EXOC4: variants seen among roughly 807,000 people sequenced by gnomAD.
The protein encoded by EXOC4 is exocyst complex component 4, also known as SEC8-like 1.
In EXOC4, 71 loss-of-function variants were observed where a neutral mutation model predicts 107.2. The ratio of observed to expected loss-of-function variants is 0.66; its 90% CI spans 0.55 to 0.81. The LOEUF (loss-of-function observed/expected upper bound fraction) is 0.81, where lower values mean the gene tolerates loss of function less well. EXOC4 is among the 30% of genes least tolerant of loss of function. The pLI, the probability that EXOC4 is intolerant of heterozygous loss-of-function variation, is 0.00. For synonymous variants in EXOC4, 456 were observed against 441.2 expected (o/e 1.03, Z -0.42); for missense variants, 1,108 against 1,189.6 (o/e 0.93, Z 1.01).
chr7:133,411,253 G>C (rs1285830279), intron 7 of EXOC4, among the ~76,000 whole-genome samples: 1 of 152,092 alleles, frequency 6.6e-6, no homozygotes, highest in East Asian at 1.9e-4. Flanking sequence ...TCTCACTTTT[G>C]TAAAAAATAG....
At chr7:133,678,677 C>A (rs1175555560) in intron 10 of EXOC4, among the ~76,000 whole-genome samples, 2 of 151,522 alleles carry the variant, frequency 1.3e-5, no homozygotes, top group East Asian at 3.9e-4. Context: ...GTGGTATGAA[C>A]ACAACTCCCT....
chr7:133,326,518 C>G (rs1313400663), intron 5 of EXOC4, among the ~76,000 whole-genome samples: 1 of 152,198 alleles, frequency 6.6e-6, no homozygotes, highest in Non-Finnish European at 1.5e-5. Flanking sequence ...GGCTGCAGAA[C>G]AGTGAATATT....
chr7:133,278,472 G>C (rs972233921), intron 2 of EXOC4, among the ~76,000 whole-genome samples: 9 of 152,154 alleles, frequency 5.9e-5, no homozygotes, highest in African/African-American at 1.9e-4. Context: ...GCCAGAAAGG[G>C]CTTCACTGAG....
In EXOC4 at chr7:133,567,276, T is replaced by C. The variant is rs969683415; in HGVS notation, c.1418-62769T>C. Among the ~76,000 whole-genome samples, 11 of 152,068 alleles carry C rather than the reference T, an allele frequency of 7.2e-5. 1 individual carries two copies. Among genetic ancestry groups the C allele is most frequent in the African/African-American group, 2.7e-4 (11 of 41,440 alleles). ...AAATATATATATATATTCTTTTTTT[T>C]CCTGTTTTACACAGATGGTAACATT... is the stretch of plus-strand genomic sequence containing the variant. On this transcript the variant is annotated intron_variant, in intron 9 of 17. Coordinates refer to ENST00000253861, the MANE Select transcript of EXOC4 (RefSeq NM_021807.4).
At chr7:133,671,562 A>G (rs1182166389) in intron 10 of EXOC4, among the ~76,000 whole-genome samples, 1 of 152,092 alleles carries the variant, frequency 6.6e-6, no homozygotes, top group Admixed American at 6.5e-5. Context: ...GCAAGACTCC[A>G]TCTTAAATAA....
the EXOC4 span, among the ~76,000 whole-genome samples, chr7:134,090,952 A>T: frequency 6.6e-6 from 1 of 151,890 alleles, no homozygotes. Context: ...CTCTAACCCA[A>T]TCCCATTCTT....
intron 7 of EXOC4, among the ~76,000 whole-genome samples, chr7:133,385,151 G>C (rs763035324): frequency 1.3e-5 from 2 of 152,180 alleles, no homozygotes; most frequent in Admixed American, 6.5e-5. Context: ...AAGGGTGAAG[G>C]CTGCAGGTCT....
intron 10 of EXOC4, among the ~76,000 whole-genome samples, chr7:133,694,708 A>G (rs949898302): frequency 2.6e-5 from 4 of 152,160 alleles, no homozygotes; most frequent in Admixed American, 6.5e-5. Flanking sequence ...ATTTTTCTTT[A>G]TGTTGGGAAC....
chr7:133,414,890 A>G (rs150127780), intron 7 of EXOC4, among the ~76,000 whole-genome samples: 1 of 152,160 alleles, frequency 6.6e-6, no homozygotes, highest in Non-Finnish European at 1.5e-5. Context: ...TTACTCCACA[A>G]AGAAAGTCCG....
At chr7:133,656,097 C>T (rs1002862275) in intron 10 of EXOC4, among the ~76,000 whole-genome samples, 6 of 152,034 alleles carry the variant, frequency 3.9e-5, no homozygotes, top group Admixed American at 6.6e-5. Context: ...ATAAGCAATC[C>T]ATCCTTGACC....
At chr7:133,733,514 A>T (rs1285168851) in intron 10 of EXOC4, 2 of 152,102 alleles carry the variant, frequency 1.3e-5, no homozygotes, top group Non-Finnish European at 2.9e-5. Context: ...AAATAAAGAT[A>T]AAAAAAGGAA....
intron 6 of EXOC4, among the ~76,000 whole-genome samples, chr7:133,360,501 C>G (rs1438141799): frequency 6.6e-5 from 10 of 152,140 alleles, no homozygotes; most frequent in Non-Finnish European, 1.5e-4. Context: ...CCGTTGCTTC[C>G]AGGGAGACCT....
chr7:133,830,504 A>G (rs577177094), intron 11 of EXOC4, among the ~76,000 whole-genome samples: 64 of 152,376 alleles, frequency 4.2e-4, no homozygotes, highest in Admixed American at 8.5e-4. Context: ...AAAATTGCCA[A>G]CAGCTATGTT....
intron 14 of EXOC4, among the ~76,000 whole-genome samples, chr7:133,938,731 C>G (rs1158167659): frequency 6.6e-6 from 1 of 152,162 alleles, no homozygotes; most frequent in African/African-American, 2.4e-5. Flanking sequence ...AGCATTACTT[C>G]AGGAGTATGT....
chr7:133,610,742 T>C (rs1474264625), intron 9 of EXOC4, among the ~76,000 whole-genome samples: 1 of 152,066 alleles, frequency 6.6e-6, no homozygotes, highest in Non-Finnish European at 1.5e-5. Flanking sequence ...CATGTTACAG[T>C]AACTAGCATT....
intron 9 of EXOC4, among the ~76,000 whole-genome samples, chr7:133,505,299 T>C (rs1319125879): frequency 6.6e-6 from 1 of 152,156 alleles, no homozygotes; most frequent in Non-Finnish European, 1.5e-5. Context: ...TTGGCTTTTG[T>C]TTCCTGTGCC....
intron 5 of EXOC4, among the ~76,000 whole-genome samples, chr7:133,331,759 A>G (rs1201900625): frequency 2.0e-5 from 3 of 152,156 alleles, no homozygotes; most frequent in Admixed American, 1.3e-4. Context: ...CACTTTACAG[A>G]TACGGAAGCT....
At chr7:134,069,023 C>G (rs1184004576), downstream of EXOC4, among the ~76,000 whole-genome samples, 1 of 152,140 alleles carries the variant, frequency 6.6e-6, no homozygotes, top group Non-Finnish European at 1.5e-5. Flanking sequence ...CTGATCTACC[C>G]TTCCCAGAGT....
chr7:133,984,404 G>A (rs1160829672), intron 14 of EXOC4, among the ~76,000 whole-genome samples: 6 of 152,076 alleles, frequency 3.9e-5, no homozygotes, highest in South Asian at 2.1e-4. Flanking sequence ...CATTTCAGAC[G>A]CTCATATCCT....
Sources: allele counts gnomAD v4.1 joint callset (sites outside exome capture counted in the v4.1 genomes callset), GRCh38; gene constraint gnomAD v4.1.1; transcripts MANE v1.5; gene names NCBI Gene and HGNC (gene_info 2026-07-23, HGNC 2026-07-21).